Variants in ANKRD17 observed in about 807,000 individuals in gnomAD.
ANKRD17 encodes ankyrin repeat domain-containing protein 17.
A neutral mutation model predicts 229.7 loss-of-function variants in ANKRD17; 19 were observed. The ratio of observed to expected loss-of-function variants is 0.08; its 90% CI spans 0.06 to 0.12. ANKRD17 has a LOEUF of 0.12. Ranked by LOEUF, ANKRD17 falls within the 10% of genes least tolerant of loss-of-function variation. ANKRD17 has a pLI of 1.00. For synonymous variants in ANKRD17, 1,112 were observed against 1,146.1 expected (o/e 0.97, Z 0.60); for missense variants, 2,176 against 3,176.8 (o/e 0.68, Z 7.57).
At chr4:73,224,230 C>A (rs539175836) in intron 1 of ANKRD17, among the ~76,000 whole-genome samples, 71 of 152,178 alleles carry the variant, frequency 4.7e-4, no homozygotes, top group Admixed American at 2.6e-3. Flanking sequence ...GGCAACAGAG[C>A]GAGACTGTCT....
At chr4:73,118,521 A>T (rs1726278273) in intron 22 of ANKRD17, among the ~76,000 whole-genome samples, 167 bp downstream of exon 22, 1 of 151,926 alleles carries the variant, frequency 6.6e-6, no homozygotes. Context: ...TTTCTGAAAA[A>T]CCTGTATATA....
At chr4:73,191,341 ATGTGTGTGTGTGTG>A (rs71655741) in intron 1 of ANKRD17, among the ~76,000 whole-genome samples, 66 of 125,284 alleles carry the variant, frequency 5.3e-4, no homozygotes, top group South Asian at 2.0e-3. Flanking sequence ...AAAAATATAT[ATGTGTGTGTGTGTG>A]TGTGTGTGTG....
At chr4:73,081,990 A>T (rs1721616131) in intron 30 of ANKRD17, among the ~76,000 whole-genome samples, 1 of 152,002 alleles carries the variant, frequency 6.6e-6, no homozygotes, top group South Asian at 2.1e-4. Context: ...TACAAAAAAA[A>T]ATTTAACAAA....
intron 1 of ANKRD17, among the ~76,000 whole-genome samples, chr4:73,217,840 C>T (rs1247214031): frequency 1.3e-5 from 2 of 152,134 alleles, no homozygotes; most frequent in Non-Finnish European, 2.9e-5. Context: ...ATAAGTAAAT[C>T]TCATGTGGGT....
intron 3 of ANKRD17, among the ~76,000 whole-genome samples, chr4:73,158,114 A>C (rs1475360678): frequency 1.6e-5 from 2 of 128,478 alleles, no homozygotes; most frequent in African/African-American, 2.9e-5. Flanking sequence ...GAAGGAAAGA[A>C]GGAGAGAAAG....
In ANKRD17 at chr4:73,091,240, G is replaced by C. The variant is rs138455716; in HGVS notation, c.6388C>G (p.Pro2130Ala). Residue 2130 changes from proline to alanine, a missense_variant, in exon 29 of 34, where the codon CCC becomes GCC. By Grantham distance (27) the Pro-to-Ala change is conservative. This residue lies in a region of ANKRD17 where 424 missense variants were observed against 454.0 expected (regional missense o/e 0.93). Transcript: ENST00000358602. ...GGAACAGTCATTCTAACTTCCGGGG[G>C]AGGAACCTGAGACTGCTGAAGAGGT... is the stretch of plus-strand genomic sequence containing the variant. ...RPPLQQSQVP[P>A]PEVRMTVPPL... 2.1e-3 allele frequency: 3,321 copies of C among 1,614,206 alleles called. 6 individuals are homozygous for C. The highest frequency in any genetic ancestry group is 2.4e-3 in the Non-Finnish European group (2,842 of 1,180,040).
Position 73,144,732 on chromosome 4 carries a change from T to TA in ANKRD17, c.1957+12dup, listed in dbSNP as rs1226114337. 2.1e-5 allele frequency: 32 copies of TA among 1,528,166 alleles called. No individual in the cohort carries two copies. Among genetic ancestry groups the TA allele is most frequent in the Non-Finnish European group, 2.7e-5 (31 of 1,141,080 alleles). The allele number at this position is 1,528,166 out of a possible 1,614,324, so 94.7% of individuals were successfully genotyped here. ...ACCTTTCAAAAAAAGACAACTGTTT[T>TA]ATACAAACCTACCTTTACTAATTAA... is the stretch of plus-strand genomic sequence containing the variant. On this transcript the variant is annotated intron_variant, in intron 11 of 33. Coordinates refer to ENST00000358602, the MANE Select transcript of ANKRD17 (RefSeq NM_032217.5).
At chr4:73,213,403 A>T (rs1417152026) in intron 1 of ANKRD17, among the ~76,000 whole-genome samples, 1 of 152,210 alleles carries the variant, frequency 6.6e-6, no homozygotes, top group Non-Finnish European at 1.5e-5. Flanking sequence ...ATGATTAAGT[A>T]GGCAGTATTA....
chr4:73,124,316 T>C (rs1013782722), intron 18 of ANKRD17, among the ~76,000 whole-genome samples: 1 of 144,718 alleles, frequency 6.9e-6, no homozygotes, highest in South Asian at 2.1e-4. Flanking sequence ...ATCTAGCTGA[T>C]TATAAAATGC....
At chr4:73,217,774 T>TA (rs946988892) in intron 1 of ANKRD17, among the ~76,000 whole-genome samples, 10 of 151,938 alleles carry the variant, frequency 6.6e-5, no homozygotes, top group African/African-American at 2.2e-4. Context: ...ACGAAACTAC[T>TA]AAAAAAAATT....
intron 1 of ANKRD17, chr4:73,223,168 A>G: frequency 2.5e-6 from 2 of 801,946 alleles, no homozygotes; most frequent in Non-Finnish European, 3.8e-6. Flanking sequence ...CTAGCCAGGC[A>G]TCTACCAAAA....
Position 73,102,413 on chromosome 4 carries a change from G to C in ANKRD17, c.4536C>G (p.Leu1512=). The C allele has an allele frequency of 6.3e-7, 1 of 1,599,010 alleles. No homozygotes were observed. Residue 1512 remains leucine (L), a synonymous_variant, in exon 25 of 34, where the codon CTC becomes CTG. Coordinates refer to ENST00000358602, the MANE Select transcript of ANKRD17 (RefSeq NM_032217.5). ...GCTTTTCTTTTTCTTGAGCAGCTTG[G>C]AGTTCAAAGTTCTCTTTATTTTTGG... ...IEAKNKENFE[L]QAAQEKEKLK... is the part of the protein sequence containing the mutation.
intron 5 of ANKRD17, among the ~76,000 whole-genome samples, chr4:73,154,817 G>A (rs972733826): frequency 2.0e-5 from 3 of 152,078 alleles, no homozygotes; most frequent in Non-Finnish European, 4.4e-5. Flanking sequence ...CGAGGCGGGC[G>A]GATCACGAGG....
rs112380381 is a variant in ANKRD17, at chr4:73,235,665, T to C, written c.393+22611A>G. ...TAAGCCCGGATAAATAGAGTTATACTTTTAAAATTTGTTAAACATACAATA... is the reference window on the plus strand; with the variant it reads ...TAAGCCCGGATAAATAGAGTTATACCTTTAAAATTTGTTAAACATACAATA... On this transcript the variant is annotated intron_variant, in intron 1 of 33. Transcript: ENST00000358602. 2.4e-3 allele frequency among the ~76,000 whole-genome samples: 370 copies of C among 152,340 alleles called. 2 individuals carry two copies. The highest frequency in any genetic ancestry group is 0.016 in the South Asian group (76 of 4,828).
At chr4:73,209,713 A>C (rs1384524395) in intron 1 of ANKRD17, among the ~76,000 whole-genome samples, 1 of 152,226 alleles carries the variant, frequency 6.6e-6, no homozygotes. Flanking sequence ...TTAGTAAGTC[A>C]AATGCTGCCA....
At chr4:73,177,703 T>C (rs1421458238) in intron 1 of ANKRD17, among the ~76,000 whole-genome samples, 170 bp from the exon 2 acceptor site, 1 of 152,202 alleles carries the variant, frequency 6.6e-6, no homozygotes, top group Non-Finnish European at 1.5e-5. Context: ...AGCCTGTTGA[T>C]TAACAAAAGA....
chr4:73,199,594 A>T (rs923114906), intron 1 of ANKRD17, among the ~76,000 whole-genome samples: 47 of 151,768 alleles, frequency 3.1e-4, no homozygotes, highest in African/African-American at 9.9e-4. Flanking sequence ...TAAATGTGTC[A>T]CTCCTAAGTC....
At chr4:73,163,973 T>C (rs908599632) in intron 2 of ANKRD17, among the ~76,000 whole-genome samples, 4 of 152,204 alleles carry the variant, frequency 2.6e-5, no homozygotes, top group African/African-American at 4.8e-5. Flanking sequence ...AAATTTCATA[T>C]CTGCTACAGT....
chr4:73,123,266 T>C (rs1292496472), intron 18 of ANKRD17, among the ~76,000 whole-genome samples: 2 of 152,118 alleles, frequency 1.3e-5, no homozygotes, highest in African/African-American at 4.8e-5. Flanking sequence ...GGCAATATGA[T>C]TGAAAGGCAA....
Sources: allele counts gnomAD v4.1 joint callset (sites outside exome capture counted in the v4.1 genomes callset), GRCh38; gene constraint gnomAD v4.1.1; regional missense constraint gnomAD v4.1.1; transcripts MANE v1.5; gene names NCBI Gene and HGNC (gene_info 2026-07-23, HGNC 2026-07-21).